The following BSN variants were observed in gnomAD, a reference collection of about 807,000 sequenced individuals.
BSN encodes protein bassoon.
BSN carries 57 observed loss-of-function variants against 264.8 expected under a neutral mutation model. The ratio of observed to expected loss-of-function variants is 0.22; its 90% CI spans 0.17 to 0.27. BSN has a LOEUF of 0.27. Among genes scored for constraint, BSN ranks in the 10% least tolerant of loss-of-function variants. The probability of loss-of-function intolerance (pLI) is 1.00; values close to 1 mark genes in which losing one functional copy is unlikely to be tolerated. For missense variants in BSN, 4,615 were observed against 5,232.5 expected, an observed-to-expected ratio of 0.88 and a Z score of 3.64; for synonymous variants, 2,059 against 2,137.3, an observed-to-expected ratio of 0.96 and a Z score of 1.01.
Position 49,652,053 on chromosome 3 carries a change from C to A in BSN, c.2497C>A (p.Arg833=). Residue 833 remains arginine (R), a synonymous_variant, in exon 5 of 12, where the codon CGG becomes AGG. Transcript: ENST00000296452. ...CCCTCTTCCACCCCAGCCCCCAGCC[C>A]GGGCAGCAGAACTGACTGATGAGGA... The part of the protein sequence containing the change: ...LSPLPPQPPA[R]AAELTDEDFM... 6.2e-7 allele frequency: 1 copy of A among 1,609,336 alleles called. No individual in the cohort carries two copies.
intron 1 of BSN, among the ~76,000 whole-genome samples, chr3:49,597,606 C>T (rs2052034662): frequency 6.6e-6 from 1 of 152,182 alleles, no homozygotes; most frequent in African/African-American, 2.4e-5. Flanking sequence ...GCTGAGATTA[C>T]AGACATGAGC....
intron 1 of BSN, among the ~76,000 whole-genome samples, chr3:49,604,346 T>G (rs889390768): frequency 1.3e-5 from 2 of 152,116 alleles, no homozygotes; most frequent in Non-Finnish European, 2.9e-5. Flanking sequence ...AAACAGAAAC[T>G]CTGTACCCAT....
At chr3:49,569,033 A>T (rs1004682457) in intron 1 of BSN, among the ~76,000 whole-genome samples, 2 of 152,102 alleles carry the variant, frequency 1.3e-5, no homozygotes, top group Non-Finnish European at 2.9e-5. Context: ...AGCCAGAAGG[A>T]TTGCTGAATG....
chr3:49,579,586 T>C (rs1364100408), intron 1 of BSN, among the ~76,000 whole-genome samples: 1 of 149,596 alleles, frequency 6.7e-6, no homozygotes, highest in East Asian at 2.0e-4. Context: ...CTTTCTTTCT[T>C]TTTTTTTTGT....
intron 1 of BSN, among the ~76,000 whole-genome samples, chr3:49,616,638 G>A (rs1338951218): frequency 6.6e-6 from 1 of 152,158 alleles, no homozygotes; most frequent in Non-Finnish European, 1.5e-5. Context: ...TTTCCCTCTG[G>A]CGCCTGCACT....
At chr3:49,596,145 C>A (rs2108028380) in intron 1 of BSN, among the ~76,000 whole-genome samples, 1 of 152,222 alleles carries the variant, frequency 6.6e-6, no homozygotes, top group African/African-American at 2.4e-5. Context: ...TGGCTCATGC[C>A]TGTAATCTCA....
intron 1 of BSN, among the ~76,000 whole-genome samples, chr3:49,565,497 T>C (rs1050465374): frequency 6.6e-6 from 1 of 152,018 alleles, no homozygotes; most frequent in African/African-American, 2.4e-5. Context: ...ATTTTTTGTA[T>C]GTTTAATAGA....
chr3:49,651,061 C>T lies in BSN; in HGVS notation c.1968C>T (p.Pro656=). The T allele has an allele frequency of 6.2e-7, 1 of 1,611,740 alleles. No homozygotes were observed. Among genetic ancestry groups the T allele is most frequent in the Non-Finnish European group, 8.5e-7 (1 of 1,179,422 alleles). Residue 656 remains proline (P), a synonymous_variant, in exon 4 of 12, where the codon CCC becomes CCT. Coordinates refer to ENST00000296452, the MANE Select transcript of BSN (RefSeq NM_003458.4). The surrounding 1 kb of genome is among the most constrained non-coding windows in gnomAD (Gnocchi z 5.4). The part of the protein sequence containing the change: ...TPVVKAVPEA[P]KGGEAEDLVG... Reference sequence around the variant, plus strand: ...TCGTCAAGGCTGTTCCAGAAGCCCCCAAGGGTGGGGAGGCGGAGGTCAGTC... The same window carrying T: ...TCGTCAAGGCTGTTCCAGAAGCCCCTAAGGGTGGGGAGGCGGAGGTCAGTC...
At chr3:49,622,679 T>G (rs901519947) in intron 1 of BSN, among the ~76,000 whole-genome samples, 1 of 152,244 alleles carries the variant, frequency 6.6e-6, no homozygotes, top group Non-Finnish European at 1.5e-5. Context: ...GGGCTGCCTT[T>G]AAACTCCAGT....
chr3:49,625,107 C>T lies in BSN; in HGVS notation c.357C>T (p.Gly119=), dbSNP rs774673723. Residue 119 remains glycine, a synonymous_variant, in exon 2 of 12, where the codon GGC becomes GGT. Coordinates refer to ENST00000296452, the MANE Select transcript of BSN (RefSeq NM_003458.4). The surrounding 1 kb of genome is among the most constrained non-coding windows in gnomAD (Gnocchi z 4.4). ...PRETRAQGPA[G]QEADGPRRTL... is the part of the protein sequence containing the mutation. ...AGACAAGGGCACAGGGACCAGCAGG[C>T]CAGGAGGCTGATGGTCCCCGCAGGA... 4 of 1,604,114 alleles carry T rather than the reference C, an allele frequency of 2.5e-6. No individual in the cohort carries two copies. The East Asian group carries it at 9.0e-5, about 36-fold the overall frequency.
At chr3:49,667,189 G>A (rs955045643) in intron 11 of BSN, among the ~76,000 whole-genome samples, 1 of 152,022 alleles carries the variant, frequency 6.6e-6, no homozygotes, top group Non-Finnish European at 1.5e-5. Flanking sequence ...TAATGATTGG[G>A]TCAAGTGGAC....
Position 49,655,789 on chromosome 3 carries a change from A to T in BSN, c.6233A>T (p.Asp2078Val). 2 of 1,613,400 alleles carry T rather than the reference A, an allele frequency of 1.2e-6. No homozygotes were observed. Among genetic ancestry groups the T allele is most frequent in the Non-Finnish European group, 1.7e-6 (2 of 1,180,028 alleles). Reference protein sequence around the residue: ...YSDHRYGPRGDAVGFQEASLA... With the variant: ...YSDHRYGPRGVAVGFQEASLA... Reference sequence around the variant, plus strand: ...GACCACAGGTACGGCCCACGGGGAGATGCAGTTGGCTTCCAGGAGGCCAGC... The same window carrying T: ...GACCACAGGTACGGCCCACGGGGAGTTGCAGTTGGCTTCCAGGAGGCCAGC... The change falls in exon 5 of 12, where the codon GAT becomes GTT. Residue 2078 changes from aspartate to valine, a missense_variant. By Grantham distance (152) the Asp-to-Val change is radical. Coordinates refer to ENST00000296452, the MANE Select transcript of BSN (RefSeq NM_003458.4).
At chr3:49,615,824 A>C (rs1019746474) in intron 1 of BSN, among the ~76,000 whole-genome samples, 1 of 152,124 alleles carries the variant, frequency 6.6e-6, no homozygotes, top group Non-Finnish European at 1.5e-5. Flanking sequence ...AGCCTGGTGG[A>C]GGGTAGGACT....
intron 1 of BSN, among the ~76,000 whole-genome samples, chr3:49,584,762 A>G (rs576812068): frequency 6.6e-6 from 1 of 152,062 alleles, no homozygotes; most frequent in African/African-American, 2.4e-5. Context: ...CCCATTAACC[A>G]TCCTCACCTC....
In BSN at chr3:49,662,296, C is replaced by T; in HGVS notation, c.10451C>T (p.Ser3484Leu). 1.2e-6 allele frequency: 2 copies of T among 1,613,908 alleles called. No homozygotes were observed. Among genetic ancestry groups the T allele is most frequent in the South Asian group, 1.1e-5 (1 of 91,088 alleles). ...CTTCAAAAAGCGGGCCCCAAGCCCT[C>T]ATCCCTAAGTATGGCCCACAGCCGG... ...ERLQKAGPKP[S>L]SLSMAHSRVR... Residue 3484 changes from serine to leucine, a missense_variant, in exon 6 of 12, where the codon TCA (serine) becomes TTA (leucine). This residue lies in a region of BSN where 3,415 missense variants were observed against 3,866.4 expected (regional missense o/e 0.88). Transcript: ENST00000296452.
chr3:49,660,355 T>G lies in BSN; in HGVS notation c.8641-131T>G. 2 of 1,487,876 alleles carry G rather than the reference T, an allele frequency of 1.3e-6. No homozygotes were observed. The highest frequency in any genetic ancestry group is 1.8e-6 in the Non-Finnish European group (2 of 1,120,248). The allele number at this position is 1,487,876 out of a possible 1,614,324, so 92.2% of individuals were successfully genotyped here. A position where few individuals can be genotyped will look rare whatever the true frequency, so the allele number is the denominator to read the frequency against. ...GGGCAGGGTAGGCCTCCAGGCTGCC[T>G]GGTAAATCAGGGCACCAGCAAGATG... On this transcript the variant is annotated intron_variant, in intron 5 of 11. Transcript: ENST00000296452. The surrounding 1 kb of genome is among the most constrained non-coding windows in gnomAD (Gnocchi z 7.1).
At chr3:49,608,870 G>T (rs1008143035) in intron 1 of BSN, among the ~76,000 whole-genome samples, 3 of 151,536 alleles carry the variant, frequency 2.0e-5, no homozygotes, top group Non-Finnish European at 4.4e-5. Flanking sequence ...AGGTCAATAC[G>T]TCCTTAGCAT....
In BSN at chr3:49,585,492, G is replaced by T. The variant is rs1407995277; in HGVS notation, c.224+30666G>T. 1.3e-5 allele frequency among the ~76,000 whole-genome samples: 2 copies of T among 152,198 alleles called. No homozygotes were observed. Among genetic ancestry groups the T allele is most frequent in the Admixed American group, 1.3e-4 (2 of 15,268 alleles). Reference sequence around the variant, plus strand: ...CTGCCACACCAGGCAGGCTCTTGCGGCTCCCAACTAGGCGGCCTTGCACTC... The same window carrying T: ...CTGCCACACCAGGCAGGCTCTTGCGTCTCCCAACTAGGCGGCCTTGCACTC... On this transcript the variant is annotated intron_variant, in intron 1 of 11. Transcript: ENST00000296452. This position sits in a 1 kb window ranked among gnomAD's most constrained non-coding sequence, Gnocchi z 4.7.
chr3:49,624,822 A>T (rs1042614236), intron 1 of BSN, among the ~76,000 whole-genome samples, 153 bp from the exon 2 acceptor site: 1 of 152,168 alleles, frequency 6.6e-6, no homozygotes, highest in African/African-American at 2.4e-5. Flanking sequence ...AAGGCTCAGC[A>T]CAGGACACAG....
Sources: gnomAD v4.1 joint callset for allele counts (sites outside exome capture counted in the v4.1 genomes callset) on GRCh38, gnomAD v4.1.1 for gene constraint, gnomAD v4.1.1 regional missense constraint, Gnocchi (gnomAD v3.1) non-coding constraint, MANE v1.5 for transcripts, NCBI Gene and HGNC (gene_info 2026-07-23, HGNC 2026-07-21) for gene names.